Variants in PLXNA1 observed in about 807,000 individuals in gnomAD.
The protein encoded by PLXNA1 is plexin A1.
In PLXNA1, 77 loss-of-function variants were observed where a neutral mutation model predicts 191.7. That is an observed-to-expected ratio of 0.40 (90% CI 0.33 to 0.49). PLXNA1 has a LOEUF of 0.49. Ranked by LOEUF, PLXNA1 falls within the 20% of genes least tolerant of loss-of-function variation. The probability of loss-of-function intolerance (pLI) is 0.63; values close to 1 mark genes in which losing one functional copy is unlikely to be tolerated. For missense variants in PLXNA1, 2,110 were observed against 2,660.2 expected (o/e 0.79, Z 4.55); for synonymous variants, 1,137 against 1,156.4 (o/e 0.98, Z 0.34).
At chr3:127,020,938 C>T (rs1011567350) in intron 21 of PLXNA1, among the ~76,000 whole-genome samples, 8 of 152,144 alleles carry the variant, frequency 5.3e-5, no homozygotes, top group Non-Finnish European at 8.8e-5. Flanking sequence ...GCGAGCCTGG[C>T]GAGGGAAAAG....
chr3:126,990,815 C>A (rs571647610), intron 2 of PLXNA1, among the ~76,000 whole-genome samples: 1 of 152,204 alleles, frequency 6.6e-6, no homozygotes, highest in Non-Finnish European at 1.5e-5. Context: ...TTTCTCTGCA[C>A]CATACAGATG....
chr3:127,005,394 T>G, intron 7 of PLXNA1, 151 bp downstream of exon 7: 2 of 1,049,052 alleles, frequency 1.9e-6, no homozygotes, highest in South Asian at 3.3e-5. Context: ...CACCACCTGC[T>G]GGTCTGGGAG....
chr3:127,030,467 C>T (rs1388064321), intron 29 of PLXNA1, 55 bp downstream of exon 29: 1 of 1,594,284 alleles, frequency 6.3e-7, no homozygotes, highest in African/African-American at 1.3e-5. Context: ...CAGATGTGTT[C>T]CCAGGGCCCT....
chr3:127,002,296 G>A (rs2079044722), intron 3 of PLXNA1, among the ~76,000 whole-genome samples: 1 of 152,336 alleles, frequency 6.6e-6, no homozygotes, highest in African/African-American at 2.4e-5. Context: ...AGCGGATGTG[G>A]GGGGTGGCCG....
Position 127,007,874 on chromosome 3 carries a change from T to A in PLXNA1, c.2073T>A (p.Ala691=). 1 of 1,612,028 alleles carries A rather than the reference T, an allele frequency of 6.2e-7. No homozygotes were observed. The highest frequency in any genetic ancestry group is 8.5e-7 in the Non-Finnish European group (1 of 1,178,974). The part of the protein sequence containing the change: ...KYRHVCTHNV[A]DCAFLEGRVN... ...GCCACGTGTGCACACACAACGTGGC[T>A]GACTGCGCCTTCCTGGAGGGCCGTG... The change falls in exon 9 of 32, where the codon GCT becomes GCA. Residue 691 remains alanine, a synonymous_variant. Transcript: ENST00000393409.
chr3:127,008,239 G>C (rs766512200), intron 9 of PLXNA1, among the ~76,000 whole-genome samples: 1 of 152,244 alleles, frequency 6.6e-6, no homozygotes, highest in East Asian at 1.9e-4. Context: ...CTGCAGACAC[G>C]GGCTCCTGGG....
rs2079246140 is a variant in PLXNA1, at chr3:127,036,839, C to T, written c.*2822C>T. ...CAGCACCTCCTACCCTGCTCCGTGTCCTCCCTCTCCCCGCGCCTGGCTCAG... is the reference window on the plus strand; with the variant it reads ...CAGCACCTCCTACCCTGCTCCGTGTTCTCCCTCTCCCCGCGCCTGGCTCAG... On this transcript the variant is annotated 3_prime_UTR_variant, in exon 32 of 32. Transcript: ENST00000393409. The T allele has an allele frequency of 1.3e-5, 2 of 152,396 alleles. No individual in the cohort carries two copies. Among genetic ancestry groups the T allele is most frequent in the South Asian group, 4.1e-4 (2 of 4,832 alleles). 9.4% of individuals were successfully genotyped at this position (152,396 alleles called of 1,614,324 possible).
chr3:126,996,182 C>T (rs1489603516), intron 3 of PLXNA1, among the ~76,000 whole-genome samples: 1 of 152,260 alleles, frequency 6.6e-6, no homozygotes, highest in East Asian at 1.9e-4. Context: ...TGGTGGCCTG[C>T]GGGGCCTGGA....
At position 127,028,742 on chromosome 3, in the gene PLXNA1, G is replaced by C. The variant is rs1363465346; in HGVS notation, c.4670-251G>C. On this transcript the variant is annotated intron_variant, in intron 25 of 31. Transcript: ENST00000393409. Reference sequence around the variant, plus strand: ...AGAAGCCTCGGTGCCAGGCTGAGGAGTTGGGGCCCTAAGGCTTGCGGAAGG... The same window carrying C: ...AGAAGCCTCGGTGCCAGGCTGAGGACTTGGGGCCCTAAGGCTTGCGGAAGG... 7.1e-6 allele frequency: 4 copies of C among 565,076 alleles called. No homozygotes were observed. The African/African-American group carries it at 7.5e-5, about 11-fold the overall frequency. The allele number at this position is 565,076 out of a possible 1,614,324, so 35.0% of individuals were successfully genotyped here. A position where few individuals can be genotyped will look rare whatever the true frequency, so the allele number is the denominator to read the frequency against.
intron 2 of PLXNA1, among the ~76,000 whole-genome samples, chr3:126,990,283 G>A (rs998281330): frequency 1.3e-5 from 2 of 152,246 alleles, no homozygotes; most frequent in African/African-American, 4.8e-5. Flanking sequence ...CATGACCCTG[G>A]TGGCACCTGC....
At chr3:127,016,798 G>T in intron 16 of PLXNA1, 114 bp downstream of exon 16, 2 of 1,409,188 alleles carry the variant, frequency 1.4e-6, no homozygotes, top group Non-Finnish European at 2.0e-6. Flanking sequence ...GTACTATCCT[G>T]CCGGGAAGCA....
rs552582643 is a variant in PLXNA1 at position 127,002,315 on chromosome 3, C to T, written c.1378-1015C>T. Among the ~76,000 whole-genome samples, 200 of 152,342 alleles carry T rather than the reference C, an allele frequency of 1.3e-3. 2 individuals carry two copies. The highest frequency in any genetic ancestry group is 2.4e-3 in the Non-Finnish European group (162 of 68,020). On this transcript the variant is annotated intron_variant, in intron 3 of 31. Coordinates refer to ENST00000393409, the MANE Select transcript of PLXNA1 (RefSeq NM_032242.4). ...GATGTGGGGGGTGGCCGGCGGCGCT[C>T]AGGAATGCGGCCCTCCCCCTCTCCC...
Position 127,015,235 on chromosome 3 carries a change from A to G in PLXNA1, c.2929A>G (p.Thr977Ala), listed in dbSNP as rs538720481. The G allele has an allele frequency of 3.1e-6, 5 of 1,613,138 alleles. No individual in the cohort carries two copies. The Admixed American group carries it at 8.3e-5, about 27-fold the overall frequency. Residue 977 changes from threonine (T) to alanine (A), a missense_variant, in exon 15 of 32, where the codon ACC (threonine) becomes GCC (alanine). By Grantham distance (58) the Thr-to-Ala change is moderately conservative (BLOSUM62 0). Around this residue, in one of 4 missense-constraint regions of PLXNA1, gnomAD observed 644 missense variants for 714.3 expected, o/e 0.90. Transcript: ENST00000393409. Reference sequence around the variant, plus strand: ...CTCCCGTGGGCCTCTGTCAGGGGGCACCTGGATTGGCATCGAGGGAAGCCA... The same window carrying G: ...CTCCCGTGGGCCTCTGTCAGGGGGCGCCTGGATTGGCATCGAGGGAAGCCA... Reference protein sequence around the residue: ...SPSRGPLSGGTWIGIEGSHLN... With the variant: ...SPSRGPLSGGAWIGIEGSHLN...
intron 1 of PLXNA1, among the ~76,000 whole-genome samples, chr3:126,984,857 G>A (rs1043966728): frequency 9.2e-5 from 14 of 152,212 alleles, no homozygotes; most frequent in Admixed American, 8.5e-4. Context: ...CGGGAGGAGC[G>A]GGTGCCCCAG....
At position 127,010,347 on chromosome 3, in the gene PLXNA1, T is replaced by TGTCAGA. The variant is rs550483794; in HGVS notation, c.2113-1599_2113-1594dup. Among the ~76,000 whole-genome samples the TGTCAGA allele has an allele frequency of 3.9e-5, 6 of 152,208 alleles. No individual in the cohort carries two copies. The South Asian group carries it at 1.2e-3, about 31-fold the overall frequency. On this transcript the variant is annotated intron_variant, in intron 9 of 31. Coordinates refer to ENST00000393409, the MANE Select transcript of PLXNA1 (RefSeq NM_032242.4). ...GAGACCCACGCCACTGCAGGCCTCC[T>TGTCAGA]GTCAGAGTCAGAGTCAGGCCAGGTC...
rs767178119 is a variant in PLXNA1, at chr3:127,030,374, C to T, written c.5193C>T (p.Ile1731=). 6.2e-7 allele frequency: 1 copy of T among 1,613,884 alleles called. No individual in the cohort carries two copies. The highest frequency in any genetic ancestry group is 1.3e-5 in the African/African-American group (1 of 74,944). Residue 1731 remains isoleucine (I), a synonymous_variant, in exon 29 of 32, where the codon ATC becomes ATT. Transcript: ENST00000393409. The stretch of plus-strand genomic sequence containing the variant: ...ATGAGCAGGCCGACAAGCACCAGAT[C>T]CACGATGCTGACGTGCGCCACACCT... ...FLDEQADKHQ[I]HDADVRHTWK...
intron 23 of PLXNA1, among the ~76,000 whole-genome samples, chr3:127,024,039 C>T (rs992384723): frequency 9.9e-5 from 15 of 152,182 alleles, no homozygotes; most frequent in African/African-American, 3.6e-4. Context: ...AAGCAGGTAA[C>T]ACAAAGTCGT....
At position 127,003,483 on chromosome 3, in the gene PLXNA1, C is replaced by T; in HGVS notation, c.1518+13C>T. The T allele has an allele frequency of 6.3e-7, 1 of 1,592,092 alleles. No individual in the cohort carries two copies. On this transcript the variant is annotated intron_variant, in intron 4 of 31. Coordinates refer to ENST00000393409, the MANE Select transcript of PLXNA1 (RefSeq NM_032242.4). Reference sequence around the variant, plus strand: ...GACCGAGAAGCAGGTGGGTGCTGCACCAGTCAGACGGTGTGGCTGAAGGTG... The same window carrying T: ...GACCGAGAAGCAGGTGGGTGCTGCATCAGTCAGACGGTGTGGCTGAAGGTG...
At chr3:127,019,947 C>T (rs991769931) in intron 20 of PLXNA1, among the ~76,000 whole-genome samples, 4 of 152,190 alleles carry the variant, frequency 2.6e-5, no homozygotes, top group Non-Finnish European at 2.9e-5. Flanking sequence ...GAGGCCCTGC[C>T]CAGCCTGCCC....
Sources: gnomAD v4.1 joint callset for allele counts (sites outside exome capture counted in the v4.1 genomes callset) on GRCh38, gnomAD v4.1.1 for gene constraint, gnomAD v4.1.1 regional missense constraint, MANE v1.5 for transcripts, NCBI Gene and HGNC (gene_info 2026-07-23, HGNC 2026-07-21) for gene names.